IMMP2L: variants seen among roughly 807,000 people sequenced by gnomAD.
IMMP2L encodes mitochondrial inner membrane protease subunit 2.
A neutral mutation model predicts 19.3 loss-of-function variants in IMMP2L; 18 were observed. The ratio of observed to expected loss-of-function variants is 0.93; its 90% CI spans 0.64 to 1.38. The LOEUF (loss-of-function observed/expected upper bound fraction) is 1.38, where lower values mean the gene tolerates loss of function less well. Among genes scored for constraint, IMMP2L ranks in the 40% most tolerant of loss-of-function variants. The probability of loss-of-function intolerance (pLI) is 0.00; values close to 1 mark genes in which losing one functional copy is unlikely to be tolerated. For missense variants in IMMP2L, 233 were observed against 218.2 expected, an observed-to-expected ratio of 1.07 and a Z score of -0.43; for synonymous variants, 76 against 73.0, an observed-to-expected ratio of 1.04 and a Z score of -0.21.
intron 3 of IMMP2L, among the ~76,000 whole-genome samples, chr7:111,106,404 C>G (rs945491380): frequency 6.6e-6 from 1 of 152,020 alleles, no homozygotes; most frequent in South Asian, 2.1e-4. Context: ...TAATAGAAAT[C>G]TCTTCTCTCT....
intron 1 of IMMP2L, among the ~76,000 whole-genome samples, chr7:111,533,477 TG>T (rs1468849574): frequency 2.6e-5 from 4 of 152,138 alleles, no homozygotes; most frequent in African/African-American, 9.6e-5. Context: ...ATAATAAATG[TG>T]TTAAGCCACT....
chr7:111,382,178 GGACA>G (rs1423593520), intron 3 of IMMP2L, among the ~76,000 whole-genome samples: 3 of 151,336 alleles, frequency 2.0e-5, no homozygotes, highest in African/African-American at 7.3e-5. Flanking sequence ...AGGAGAGAGA[GGACA>G]GACAGCAAGT....
intron 2 of IMMP2L, among the ~76,000 whole-genome samples, chr7:111,515,317 A>G (rs1845788691): frequency 6.6e-6 from 1 of 152,118 alleles, no homozygotes; most frequent in Admixed American, 6.6e-5. Context: ...CAGAGCCTAG[A>G]CAATTTTTCT....
At chr7:110,766,771 C>T (rs1362451123) in intron 5 of IMMP2L, among the ~76,000 whole-genome samples, 1 of 151,810 alleles carries the variant, frequency 6.6e-6, no homozygotes, top group Non-Finnish European at 1.5e-5. Context: ...AGAGAAAATG[C>T]TTAATATCTT....
intron 3 of IMMP2L, among the ~76,000 whole-genome samples, chr7:111,126,722 T>C (rs1433871097): frequency 6.6e-6 from 1 of 152,058 alleles, no homozygotes; most frequent in African/African-American, 2.4e-5. Flanking sequence ...ACCCCCACAG[T>C]CCTGCAAAAA....
At chr7:111,073,197 T>C (rs1401566145) in intron 3 of IMMP2L, among the ~76,000 whole-genome samples, 2 of 152,072 alleles carry the variant, frequency 1.3e-5, no homozygotes, top group African/African-American at 2.4e-5. Context: ...ATGATGGTCA[T>C]AAAAATGACA....
At chr7:110,765,726 T>C (rs1159309964) in intron 5 of IMMP2L, among the ~76,000 whole-genome samples, 1 of 152,160 alleles carries the variant, frequency 6.6e-6, no homozygotes, top group African/African-American at 2.4e-5. Context: ...CATCTATACA[T>C]TGTGAAATGA....
At chr7:110,703,001 T>G (rs1044097393) in intron 5 of IMMP2L, among the ~76,000 whole-genome samples, 1 of 152,306 alleles carries the variant, frequency 6.6e-6, no homozygotes, top group East Asian at 1.9e-4. Context: ...AAGAAATCAT[T>G]TATGATGCTT....
chr7:111,041,505 A>G lies in IMMP2L; in HGVS notation c.240-77940T>C, dbSNP rs190758324. Among the ~76,000 whole-genome samples the G allele has an allele frequency of 1.4e-3, 213 of 151,696 alleles. 1 individual carries two copies. The highest frequency in any genetic ancestry group is 4.8e-3 in the African/African-American group (200 of 41,310). On this transcript the variant is annotated intron_variant, in intron 3 of 5. Coordinates refer to ENST00000405709, the MANE Select transcript of IMMP2L (RefSeq NM_032549.4). ...TGCATTCTTTTAACCACTCAGGGGC[A>G]CATGTAAAGTTAAACTCTTTTTGAT...
chr7:110,766,347 T>A (rs1196586811), intron 5 of IMMP2L, among the ~76,000 whole-genome samples: 1 of 152,102 alleles, frequency 6.6e-6, no homozygotes, highest in Non-Finnish European at 1.5e-5. Context: ...TCCCAGCACT[T>A]TGGGAGTCTA....
At chr7:111,434,613 T>C (rs1836965051) in intron 3 of IMMP2L, among the ~76,000 whole-genome samples, 1 of 151,742 alleles carries the variant, frequency 6.6e-6, no homozygotes, top group Non-Finnish European at 1.5e-5. Flanking sequence ...TGGCGCAATC[T>C]TGGCTCACTG....
chr7:111,438,399 CCT>C, intron 3 of IMMP2L, among the ~76,000 whole-genome samples: 1 of 151,614 alleles, frequency 6.6e-6, no homozygotes, highest in African/African-American at 2.4e-5. Flanking sequence ...TTATGAAAAA[CCT>C]CTGAGTTTAA....
chr7:110,669,991 G>A (rs910054481), intron 5 of IMMP2L, among the ~76,000 whole-genome samples: 1 of 152,170 alleles, frequency 6.6e-6, no homozygotes, highest in African/African-American at 2.4e-5. Flanking sequence ...AGTACACATT[G>A]TTATGTGCTA....
chr7:111,030,294 T>C (rs879773750), intron 3 of IMMP2L, among the ~76,000 whole-genome samples: 4 of 152,122 alleles, frequency 2.6e-5, no homozygotes, highest in Non-Finnish European at 4.4e-5. Context: ...AAAAAGCCTA[T>C]AATATGTGCT....
Position 110,912,171 on chromosome 7 carries a change from C to T in IMMP2L, c.306-25476G>A, listed in dbSNP as rs559059485. Among the ~76,000 whole-genome samples the T allele has an allele frequency of 5.9e-5, 9 of 152,082 alleles. No individual in the cohort carries two copies. In the East Asian group the frequency reaches 1.4e-3, roughly 23 times the overall value. ...CAAACACATTGTAAATGAAAGAAGG[C>T]GAGTTATCTATCTCCCCATTGCCCT... On this transcript the variant is annotated intron_variant, in intron 4 of 5. Transcript: ENST00000405709.
intron 4 of IMMP2L, among the ~76,000 whole-genome samples, chr7:110,939,996 T>A (rs1816559398): frequency 6.6e-6 from 1 of 152,112 alleles, no homozygotes; most frequent in Admixed American, 6.6e-5. Flanking sequence ...ATAAGGGAGA[T>A]CTAATTCCAG....
At chr7:110,961,472 T>C (rs1461906798) in intron 4 of IMMP2L, among the ~76,000 whole-genome samples, 1 of 151,646 alleles carries the variant, frequency 6.6e-6, no homozygotes, top group African/African-American at 2.4e-5. Flanking sequence ...TATCATTTGT[T>C]TTCTCTCTCT....
At chr7:110,705,716 AG>A (rs1794627462) in intron 5 of IMMP2L, among the ~76,000 whole-genome samples, 2 of 152,028 alleles carry the variant, frequency 1.3e-5, no homozygotes, top group Non-Finnish European at 2.9e-5. Context: ...CCCAAAAGTT[AG>A]TTTTTCAACC....
intron 3 of IMMP2L, among the ~76,000 whole-genome samples, chr7:111,422,618 T>C (rs191526434): frequency 7.2e-5 from 11 of 151,998 alleles, no homozygotes; most frequent in Middle Eastern, 3.4e-3. Flanking sequence ...AGATTTTGGG[T>C]TGAGACGATA....
Sources: gnomAD v4.1 joint callset for allele counts (sites outside exome capture counted in the v4.1 genomes callset) on GRCh38, gnomAD v4.1.1 for gene constraint, MANE v1.5 for transcripts, NCBI Gene and HGNC (gene_info 2026-07-23, HGNC 2026-07-21) for gene names.